AKAP11: variants seen among roughly 807,000 people sequenced by gnomAD.
AKAP11 encodes the protein A-kinase anchor protein 11.
Under a neutral mutation model 146.1 loss-of-function variants are expected in AKAP11, and 36 were observed. That is an observed-to-expected ratio of 0.25 (90% CI 0.19 to 0.33). The LOEUF is 0.33. AKAP11 is among the 10% of genes least tolerant of loss of function. The probability of loss-of-function intolerance (pLI) is 1.00; values close to 1 mark genes in which losing one functional copy is unlikely to be tolerated. For synonymous variants in AKAP11, 780 were observed against 786.5 expected (o/e 0.99, Z 0.14); for missense variants, 2,201 against 2,197.0 (o/e 1.00, Z -0.04).
rs750318620 is a variant in AKAP11, at chr13:42,300,498, C to T, written c.1752C>T (p.Ala584=). 4 of 1,614,080 alleles carry T rather than the reference C, an allele frequency of 2.5e-6. No individual in the cohort carries two copies. The highest frequency in any genetic ancestry group is 1.7e-5 in the Admixed American group (1 of 60,014). The change falls in exon 8 of 13, where the codon GCC becomes GCT. Residue 584 remains alanine, a synonymous_variant. Transcript: ENST00000025301. ...GTACCAATGCTTTGTACCACTTAGC[C>T]ATCAAATTGACATCATCTGTTTTGC... ...SSCTNALYHL[A]IKLTSSVLQM...
At chr13:42,317,775 G>A in intron 12 of AKAP11, 87 bp downstream of exon 12, 1 of 1,431,328 alleles carries the variant, frequency 7.0e-7, no homozygotes, top group East Asian at 2.3e-5. Flanking sequence ...GATGCCTGGT[G>A]ATGGTTAAAT....
rs760299577 is a variant in AKAP11, at chr13:42,300,814, G to A, written c.2068G>A (p.Ala690Thr). ...DFEDKVVKLY[A>T]KDLSESVIQE... Reference sequence around the variant, plus strand: ...TGAAGACAAAGTAGTGAAGTTGTATGCAAAAGATTTGTCTGAATCTGTAAT... The same window carrying A: ...TGAAGACAAAGTAGTGAAGTTGTATACAAAAGATTTGTCTGAATCTGTAAT... The change falls in exon 8 of 13, where the codon GCA becomes ACA. Residue 690 changes from alanine to threonine, a missense_variant. By Grantham distance (58) the Ala-to-Thr change is moderately conservative. Transcript: ENST00000025301. 1.2e-6 allele frequency: 2 copies of A among 1,614,076 alleles called. No homozygotes were observed. The highest frequency in any genetic ancestry group is 1.1e-5 in the South Asian group (1 of 91,072).
intron 11 of AKAP11, among the ~76,000 whole-genome samples, 181 bp from the exon 12 acceptor site, chr13:42,317,347 C>T (rs1960869353): frequency 6.6e-6 from 1 of 151,988 alleles, no homozygotes; most frequent in South Asian, 2.1e-4. Flanking sequence ...CTTTGTTTTA[C>T]ATTATTTTGC....
Position 42,299,733 on chromosome 13 carries a change from A to G in AKAP11, c.987A>G (p.Leu329=). 6.2e-7 allele frequency: 1 copy of G among 1,613,996 alleles called. No homozygotes were observed. ...FLDEEGYQKS[L]KAKLELPKIP... The stretch of plus-strand genomic sequence containing the variant: ...ATGAAGAGGGATATCAAAAAAGCTT[A>G]AAAGCAAAACTTGAGCTGCCTAAAA... The change falls in exon 8 of 13, where the codon TTA becomes TTG. Residue 329 remains leucine, a synonymous_variant. Coordinates refer to ENST00000025301, the MANE Select transcript of AKAP11 (RefSeq NM_016248.4).
intron 8 of AKAP11, among the ~76,000 whole-genome samples, chr13:42,308,234 G>A (rs1163793321): frequency 1.3e-5 from 2 of 152,158 alleles, no homozygotes; most frequent in Admixed American, 1.3e-4. Context: ...AACAAAGTAA[G>A]TTATGGCTGT....
chr13:42,297,329 C>G, intron 6 of AKAP11, 147 bp downstream of exon 6: 1 of 564,772 alleles, frequency 1.8e-6, no homozygotes, highest in Non-Finnish European at 2.8e-6. Flanking sequence ...AAATATAACT[C>G]ATGAAGCATT....
chr13:42,317,554 C>T lies in AKAP11; in HGVS notation c.5431C>T (p.Leu1811=), dbSNP rs746311279. 3 of 1,613,750 alleles carry T rather than the reference C, an allele frequency of 1.9e-6. No homozygotes were observed. The Admixed American group carries it at 5.0e-5, about 27-fold the overall frequency. The stretch of plus-strand genomic sequence containing the variant: ...TTTGGGGCAAGATGGAAAGACACTG[C>T]TAATTACGAATATTGACATGGAGCC... ...EGLGQDGKTL[L]ITNIDMEPCT... Residue 1811 remains leucine, a synonymous_variant, in exon 12 of 13, where the codon CTA becomes TTA. Transcript: ENST00000025301.
rs1401459103 is a variant in AKAP11 at position 42,301,879 on chromosome 13, C to G, written c.3133C>G (p.Leu1045Val). The change falls in exon 8 of 13, where the codon CTG (leucine) becomes GTG (valine). Residue 1045 changes from leucine to valine, a missense_variant. Transcript: ENST00000025301. ...DLKESAKDQP[L>V]KKHNLNSTSL... ...GAAGGAATCTGCTAAGGATCAACCA[C>G]TGAAAAAGCATAACTTGAATAGTAC... 6.2e-7 allele frequency: 1 copy of G among 1,614,130 alleles called. No homozygotes were observed. The highest frequency in any genetic ancestry group is 2.2e-5 in the East Asian group (1 of 44,888).
At chr13:42,304,551 AT>A (rs1327833414) in intron 8 of AKAP11, among the ~76,000 whole-genome samples, 1 of 152,194 alleles carries the variant, frequency 6.6e-6, no homozygotes, top group Non-Finnish European at 1.5e-5. Context: ...CTATTCTGAG[AT>A]TAAATTTTTG....
intron 1 of AKAP11, among the ~76,000 whole-genome samples, chr13:42,274,663 C>A (rs1449508): frequency 0.53 from 80,449 of 151,130 alleles, 21,570 homozygotes; most frequent in East Asian, 0.63. Flanking sequence ...CCACCCTGGG[C>A]GACTGAGTGA....
chr13:42,290,784 G>C (rs1959200221), intron 3 of AKAP11, among the ~76,000 whole-genome samples: 2 of 152,214 alleles, frequency 1.3e-5, no homozygotes, highest in South Asian at 4.2e-4. Flanking sequence ...ATTAGTCTTT[G>C]AGCATTTCCT....
Position 42,321,701 on chromosome 13 carries a change from C to G in AKAP11, c.*2473C>G, listed in dbSNP as rs1186309007. 6 of 152,212 alleles carry G rather than the reference C, an allele frequency of 3.9e-5. No homozygotes were observed. The highest frequency in any genetic ancestry group is 8.8e-5 in the Non-Finnish European group (6 of 67,974). 9.4% of individuals were successfully genotyped at this position (152,212 alleles called of 1,614,324 possible). A position where few individuals can be genotyped will look rare whatever the true frequency, so the allele number is the denominator to read the frequency against. ...GATGTTCTAGATCTATTTGGTTGCT[C>G]TATAGTCAAACAGCTCTTTTGAAGA... is the stretch of plus-strand genomic sequence containing the variant. On this transcript the variant is annotated 3_prime_UTR_variant, in exon 13 of 13. Coordinates refer to ENST00000025301, the MANE Select transcript of AKAP11 (RefSeq NM_016248.4).
chr13:42,314,563 T>C (rs1336446986), intron 11 of AKAP11, among the ~76,000 whole-genome samples: 1 of 152,138 alleles, frequency 6.6e-6, no homozygotes. Flanking sequence ...CTAAAATTCT[T>C]ACTCATGTTA....
At chr13:42,277,877 T>A (rs1958965152) in intron 1 of AKAP11, among the ~76,000 whole-genome samples, 1 of 152,232 alleles carries the variant, frequency 6.6e-6, no homozygotes, top group South Asian at 2.1e-4. Context: ...TGAACGTTGG[T>A]AGTACTTACA....
rs945993917 is a variant in AKAP11, at chr13:42,286,373, A to G, written c.25A>G (p.Met9Val). 3 of 1,602,806 alleles carry G rather than the reference A, an allele frequency of 1.9e-6. No individual in the cohort carries two copies. Among genetic ancestry groups the G allele is most frequent in the Non-Finnish European group, 1.7e-6 (2 of 1,175,650 alleles). Residue 9 changes from methionine to valine, a missense_variant, in exon 3 of 13, where the codon ATG becomes GTG. Coordinates refer to ENST00000025301, the MANE Select transcript of AKAP11 (RefSeq NM_016248.4). Reference protein sequence around the residue: MATFRNNHMKTKASVRKSF... With the variant: MATFRNNHVKTKASVRKSF... ...TATGGCGACTTTCAGAAACAATCACATGAAGACTAAAGCATCTGTCAGAAA... is the reference window on the plus strand; with the variant it reads ...TATGGCGACTTTCAGAAACAATCACGTGAAGACTAAAGCATCTGTCAGAAA...
At chr13:42,289,483 T>C (rs1442010951) in intron 3 of AKAP11, among the ~76,000 whole-genome samples, 1 of 152,172 alleles carries the variant, frequency 6.6e-6, no homozygotes, top group Non-Finnish European at 1.5e-5. Context: ...TTCATCTATG[T>C]AAGTTGCTCA....
At position 42,302,248 on chromosome 13, in the gene AKAP11, C is replaced by T. The variant is rs775286814; in HGVS notation, c.3502C>T (p.Arg1168Ter). ...AGAAGAGTTCATGTTGAAACTCATG[C>T]GATCTCTTTCTGAAGAAGTTGAGAG... ...EKEEFMLKLM[R>*]SLSEEVESSE... Residue 1168 changes from arginine (R) to a stop codon, truncating the protein, a stop_gained, in exon 8 of 13, where the codon CGA becomes TGA. Coordinates refer to ENST00000025301, the MANE Select transcript of AKAP11 (RefSeq NM_016248.4). LOFTEE classifies it high-confidence loss of function. The T allele has an allele frequency of 6.2e-7, 1 of 1,614,108 alleles. No homozygotes were observed. Among genetic ancestry groups the T allele is most frequent in the Non-Finnish European group, 8.5e-7 (1 of 1,180,002 alleles).
intron 9 of AKAP11, among the ~76,000 whole-genome samples, chr13:42,309,662 T>C (rs994913488): frequency 1.3e-5 from 2 of 152,190 alleles, no homozygotes; most frequent in Non-Finnish European, 2.9e-5. Context: ...AAAATCTAGG[T>C]CCAAAAAGAC....
chr13:42,300,498 C>A lies in AKAP11; in HGVS notation c.1752C>A (p.Ala584=). The part of the protein sequence containing the change: ...SSCTNALYHL[A]IKLTSSVLQM... ...GTACCAATGCTTTGTACCACTTAGCCATCAAATTGACATCATCTGTTTTGC... is the reference window on the plus strand; with the variant it reads ...GTACCAATGCTTTGTACCACTTAGCAATCAAATTGACATCATCTGTTTTGC... Residue 584 remains alanine (A), a synonymous_variant, in exon 8 of 13, where the codon GCC becomes GCA. Transcript: ENST00000025301. The A allele has an allele frequency of 6.2e-7, 1 of 1,614,080 alleles. No individual in the cohort carries two copies. The highest frequency in any genetic ancestry group is 8.5e-7 in the Non-Finnish European group (1 of 1,179,964).
Sources: allele counts gnomAD v4.1 joint callset (sites outside exome capture counted in the v4.1 genomes callset), GRCh38; gene constraint gnomAD v4.1.1; transcripts MANE v1.5; gene names NCBI Gene and HGNC (gene_info 2026-07-23, HGNC 2026-07-21).